The following CTC1 variants were observed in gnomAD, a reference collection of about 807,000 sequenced individuals.
CTC1 encodes the protein CST complex subunit CTC1.
Under a neutral mutation model 136.3 loss-of-function variants are expected in CTC1, and 91 were observed. The observed-to-expected ratio is 0.67, with a 90% CI of 0.56 to 0.79. The LOEUF (loss-of-function observed/expected upper bound fraction) is 0.79, where lower values mean the gene tolerates loss of function less well. Among genes scored for constraint, CTC1 ranks in the 30% least tolerant of loss-of-function variants. The pLI, the probability that CTC1 is intolerant of heterozygous loss-of-function variation, is 0.00. For synonymous variants in CTC1, 606 were observed against 613.8 expected, an observed-to-expected ratio of 0.99 and a Z score of 0.19; for missense variants, 1,432 against 1,498.1, an observed-to-expected ratio of 0.96 and a Z score of 0.73.
intron 1 of CTC1, among the ~76,000 whole-genome samples, chr17:8,243,480 T>C (rs555746275): frequency 2.5e-3 from 379 of 150,674 alleles, no homozygotes; most frequent in African/African-American, 8.5e-3. Context: ...GATCGAGCCA[T>C]TGCACTCCAG....
Position 8,227,079 on chromosome 17 carries a change from T to C in CTC1, c.*1101A>G, listed in dbSNP as rs930194946. 1 of 150,606 alleles carries C rather than the reference T, an allele frequency of 6.6e-6. No homozygotes were observed. Among genetic ancestry groups the C allele is most frequent in the East Asian group, 1.9e-4 (1 of 5,196 alleles). 9.3% of individuals were successfully genotyped at this position (150,606 alleles called of 1,614,324 possible). A position where few individuals can be genotyped will look rare whatever the true frequency, so the allele number is the denominator to read the frequency against. On this transcript the variant is annotated 3_prime_UTR_variant, in exon 23 of 23. Transcript: ENST00000651323. ...GCTAACCGGCCACTAACTTTCCGGG[T>C]CTACTTCAAATCTTAATATAGGGTA... is the stretch of plus-strand genomic sequence containing the variant.
chr17:8,235,873 G>A lies in CTC1; in HGVS notation c.1164C>T (p.Phe388=), dbSNP rs751523598. Residue 388 remains phenylalanine (F), a synonymous_variant, in exon 7 of 23, where the codon TTC becomes TTT. Transcript: ENST00000651323. ...QLGLCLAYQQ[F]RGLRRVMRPG... ...GTCGCATCACCCGCCTAAGGCCACGGAACTGCTGGTAGGCAAGGCAGAGCC... is the reference window on the plus strand; with the variant it reads ...GTCGCATCACCCGCCTAAGGCCACGAAACTGCTGGTAGGCAAGGCAGAGCC... 2 of 1,613,840 alleles carry A rather than the reference G, an allele frequency of 1.2e-6. No homozygotes were observed. The highest frequency in any genetic ancestry group is 8.5e-7 in the Non-Finnish European group (1 of 1,179,794).
intron 1 of CTC1, among the ~76,000 whole-genome samples, chr17:8,247,435 G>C (rs1988837725): frequency 6.7e-6 from 1 of 149,648 alleles, no homozygotes; most frequent in South Asian, 2.1e-4. Flanking sequence ...TCAACCTTCT[G>C]AGTAGCTGGA....
At chr17:8,229,782 G>C (rs1296068084) in intron 18 of CTC1, 109 bp downstream of exon 18, 1 of 881,856 alleles carries the variant, frequency 1.1e-6, no homozygotes, top group African/African-American at 1.7e-5. Flanking sequence ...AACACATCTT[G>C]TTGGGATTGG....
intron 15 of CTC1, chr17:8,231,052 A>G: frequency 2.0e-6 from 1 of 505,582 alleles, no homozygotes; most frequent in Non-Finnish European, 3.5e-6. Flanking sequence ...GATGCAGGAT[A>G]ATCCTTCGAA....
chr17:8,225,497 C>T lies in CTC1; in HGVS notation c.*2683G>A, dbSNP rs748799298. On this transcript the variant is annotated 3_prime_UTR_variant, in exon 23 of 23. Coordinates refer to ENST00000651323, the MANE Select transcript of CTC1 (RefSeq NM_025099.6). ...AGAGCTCACAGATCCTATTTCTTGC[C>T]TTATCTCTGGCATTTATTTCTTCCT... 1.3e-5 allele frequency: 2 copies of T among 152,228 alleles called. No individual in the cohort carries two copies. Among genetic ancestry groups the T allele is most frequent in the African/African-American group, 2.4e-5 (1 of 41,450 alleles). 9.4% of individuals were successfully genotyped at this position (152,228 alleles called of 1,614,324 possible).
Position 8,231,991 on chromosome 17 carries a change from A to G in CTC1, c.2297T>C (p.Leu766Ser). ...VPKPALSFYV[L>S]GSWLGGTQRK... is the part of the protein sequence containing the mutation. The stretch of plus-strand genomic sequence containing the variant: ...CTGGGTGCCCCCAAGCCAGCTCCCC[A>G]ACACATAGAAACTGAGGGCGGGCTT... The change falls in exon 13 of 23, where the codon TTG becomes TCG. Residue 766 changes from leucine to serine, a missense_variant. Transcript: ENST00000651323. 6.2e-7 allele frequency: 1 copy of G among 1,605,656 alleles called. No homozygotes were observed. Among genetic ancestry groups the G allele is most frequent in the Non-Finnish European group, 8.5e-7 (1 of 1,176,382 alleles).
rs558357627 is a variant in CTC1 at position 8,226,973 on chromosome 17, CA to C, written c.*1206del. ...AGAGGGTCAGAAAACAAAACACACA[CA>C]AAAAAAAGCCACCCACTGGCCCGTA... On this transcript the variant is annotated 3_prime_UTR_variant, in exon 23 of 23. Coordinates refer to ENST00000651323, the MANE Select transcript of CTC1 (RefSeq NM_025099.6). The C allele has an allele frequency of 1.3e-5, 2 of 152,048 alleles. No individual in the cohort carries two copies. The highest frequency in any genetic ancestry group is 2.0e-4 in the South Asian group (1 of 5,066). 9.4% of individuals were successfully genotyped at this position (152,048 alleles called of 1,614,324 possible). A position where few individuals can be genotyped will look rare whatever the true frequency, so the allele number is the denominator to read the frequency against.
At chr17:8,246,949 T>C (rs909653994) in intron 1 of CTC1, among the ~76,000 whole-genome samples, 3 of 149,550 alleles carry the variant, frequency 2.0e-5, no homozygotes, top group Non-Finnish European at 4.4e-5. Flanking sequence ...TCCTTTAGAT[T>C]GTATTTTCTT....
chr17:8,229,572 C>T lies in CTC1; in HGVS notation c.3012-126G>A, dbSNP rs143636138. 1,073 of 775,482 alleles carry T rather than the reference C, an allele frequency of 1.4e-3. 2 individuals carry two copies. The highest frequency in any genetic ancestry group is 2.7e-3 in the South Asian group (158 of 57,602). 48.0% of individuals were successfully genotyped at this position (775,482 alleles called of 1,614,324 possible). ...GATGGGGACAGCAGTGGGTTCCATG[C>T]GCTCCTAGAAGCCCCATTTTAATTC... On this transcript the variant is annotated intron_variant, in intron 18 of 22. Transcript: ENST00000651323.
rs374814493 is a variant in CTC1, at chr17:8,235,760, A to G, written c.1206+71T>C. The G allele has an allele frequency of 1.2e-5, 18 of 1,489,362 alleles. No individual in the cohort carries two copies. The African/African-American group carries it at 1.3e-4, about 10-fold the overall frequency. 92.3% of individuals were successfully genotyped at this position (1,489,362 alleles called of 1,614,324 possible). A position where few individuals can be genotyped will look rare whatever the true frequency, so the allele number is the denominator to read the frequency against. ...TATTTCTATATAACCACCCTGCTGC[A>G]GAAAAGGAGCCTATGAAGGTAAGAG... On this transcript the variant is annotated intron_variant, in intron 7 of 22. Transcript: ENST00000651323.
At chr17:8,239,191 C>T (rs1202391512) in intron 2 of CTC1, among the ~76,000 whole-genome samples, 1 of 151,560 alleles carries the variant, frequency 6.6e-6, no homozygotes, top group Non-Finnish European at 1.5e-5. Context: ...AGGGAGAGGA[C>T]CCAGAGAAAT....
intron 7 of CTC1, 47 bp from the exon 8 acceptor site, chr17:8,235,332 C>G: frequency 7.1e-7 from 1 of 1,416,082 alleles, no homozygotes; most frequent in South Asian, 1.2e-5. Flanking sequence ...AAGACCCCAA[C>G]TCAATGAACC....
Position 8,225,099 on chromosome 17 carries a change from C to T in CTC1, c.*3081G>A, listed in dbSNP as rs1053278804. The T allele has an allele frequency of 1.3e-5, 2 of 152,274 alleles. No homozygotes were observed. Among genetic ancestry groups the T allele is most frequent in the Admixed American group, 6.5e-5 (1 of 15,282 alleles). 9.4% of individuals were successfully genotyped at this position (152,274 alleles called of 1,614,324 possible). On this transcript the variant is annotated 3_prime_UTR_variant, in exon 23 of 23. Transcript: ENST00000651323. ...GGTCTGGAACTCCTGACCTCGTGAT[C>T]CGCCCACCTTGGCCTCCCAAAGCGC...
chr17:8,238,007 G>A (rs1987892632), intron 4 of CTC1, 24 bp downstream of exon 4: 6 of 1,586,124 alleles, frequency 3.8e-6, no homozygotes, highest in Middle Eastern at 1.8e-4. Flanking sequence ...CAGCGCCCCT[G>A]CCATGCCTAG....
At chr17:8,235,797 GTC>G in intron 7 of CTC1, 32 bp downstream of exon 7, 1 of 1,559,702 alleles carries the variant, frequency 6.4e-7, no homozygotes, top group Non-Finnish European at 8.7e-7. Context: ...AGCTGCAGAG[GTC>G]TCTTTTTGTT....
intron 5 of CTC1, 133 bp from the exon 6 acceptor site, chr17:8,236,475 T>C: frequency 1.1e-6 from 1 of 881,896 alleles, no homozygotes; most frequent in Non-Finnish European, 1.7e-6. Flanking sequence ...CCATCTTCCC[T>C]ATGTCTGCCA....
chr17:8,234,317 CCAA>C (rs1987498598), intron 10 of CTC1, 135 bp downstream of exon 10: 1 of 839,018 alleles, frequency 1.2e-6, no homozygotes, highest in Non-Finnish European at 2.0e-6. Flanking sequence ...AATTGGAGGG[CCAA>C]CAACAGATGA....
chr17:8,242,579 T>TATATATATATATAC (rs1248128493), intron 2 of CTC1, among the ~76,000 whole-genome samples: 1 of 127,958 alleles, frequency 7.8e-6, no homozygotes, highest in African/African-American at 2.8e-5. Context: ...TATATATATA[T>TATATATATATATAC]ACACATATAT....
Sources: allele counts gnomAD v4.1 joint callset (sites outside exome capture counted in the v4.1 genomes callset), GRCh38; gene constraint gnomAD v4.1.1; transcripts MANE v1.5; gene names NCBI Gene and HGNC (gene_info 2026-07-23, HGNC 2026-07-21).